Variants in BABAM2 observed in about 807,000 individuals in gnomAD.
BABAM2 encodes the protein BRISC and BRCA1-A complex member 2.
In BABAM2, 31 loss-of-function variants were observed where a neutral mutation model predicts 54.7. The observed-to-expected ratio is 0.57, with a 90% CI of 0.43 to 0.77. The LOEUF (loss-of-function observed/expected upper bound fraction) is 0.77. Ranked by LOEUF, BABAM2 falls within the 30% of genes least tolerant of loss-of-function variation. The pLI, the probability that BABAM2 is intolerant of heterozygous loss-of-function variation, is 0.00. For missense variants in BABAM2, 364 were observed against 455.8 expected (o/e 0.80, Z 1.83); for synonymous variants, 167 against 162.9 (o/e 1.03, Z -0.19).
rs191343234 is a variant in BABAM2 at position 28,183,966 on chromosome 2, A to G, written c.681-53236A>G. Among the ~76,000 whole-genome samples, 5 of 151,712 alleles carry G rather than the reference A, an allele frequency of 3.3e-5. No individual in the cohort carries two copies. In the East Asian group the frequency reaches 9.7e-4, roughly 29 times the overall value. On this transcript the variant is annotated intron_variant, in intron 7 of 11. Transcript: ENST00000379624. ...TTATTTGCTCATAGAGACACACACA[A>G]CTCTTTTCTTCATGCTTGTATTCAC...
At chr2:28,102,595 A>G (rs568913211) in intron 6 of BABAM2, among the ~76,000 whole-genome samples, 16 of 152,354 alleles carry the variant, frequency 1.1e-4, no homozygotes, top group Non-Finnish European at 1.6e-4. Flanking sequence ...GCTATCAGCC[A>G]TCTGACTCAT....
At chr2:28,166,495 C>A (rs1673690490) in intron 7 of BABAM2, among the ~76,000 whole-genome samples, 1 of 152,174 alleles carries the variant, frequency 6.6e-6, no homozygotes, top group Non-Finnish European at 1.5e-5. Flanking sequence ...TGGACCGCTT[C>A]ACTTTGGTGT....
chr2:28,015,368 A>C (rs930370442), intron 4 of BABAM2, among the ~76,000 whole-genome samples: 9 of 152,164 alleles, frequency 5.9e-5, no homozygotes, highest in African/African-American at 1.2e-4. Flanking sequence ...CTCCTTCAAA[A>C]ATTTTAACTA....
intron 10 of BABAM2, among the ~76,000 whole-genome samples, chr2:28,263,131 C>CAAAA (rs539550619): frequency 3.1e-5 from 3 of 97,802 alleles, no homozygotes; most frequent in Non-Finnish European, 3.9e-5. Flanking sequence ...GACACTGTCT[C>CAAAA]AAAAAAAAAA....
rs549724039 is a variant in BABAM2 at position 28,229,193 on chromosome 2, G to C, written c.681-8009G>C. The stretch of plus-strand genomic sequence containing the variant: ...CAAGTATGCAGATAAGGACATAGAA[G>C]TCACAAAAGTGATAACCAGAGACCT... On this transcript the variant is annotated intron_variant, in intron 7 of 11. Transcript: ENST00000379624. 1.3e-5 allele frequency among the ~76,000 whole-genome samples: 2 copies of C among 152,304 alleles called. 1 individual carries two copies. The highest frequency in any genetic ancestry group is 4.1e-4 in the South Asian group (2 of 4,828).
rs1315583229 is a variant in BABAM2 at position 28,237,252 on chromosome 2, G to T, written c.731G>T (p.Gly244Val). Residue 244 changes from glycine (G) to valine (V), a missense_variant, in exon 8 of 12, where the codon GGA becomes GTA. By Grantham distance (109) the Gly-to-Val change is moderately radical. Transcript: ENST00000379624. ...CATATCCCAGCTTTTCCAGGAGGAG[G>T]ATGTCTCATTGATTACGTTCCTCAA... ...ALHIPAFPGGGCLIDYVPQVC... is the reference protein window; with the variant it reads ...ALHIPAFPGGVCLIDYVPQVC... 6.2e-7 allele frequency: 1 copy of T among 1,613,918 alleles called. No individual in the cohort carries two copies. Among genetic ancestry groups the T allele is most frequent in the Non-Finnish European group, 8.5e-7 (1 of 1,179,910 alleles).
chr2:28,315,918 A>C (rs1482868012), intron 11 of BABAM2, among the ~76,000 whole-genome samples: 1 of 152,190 alleles, frequency 6.6e-6, no homozygotes, highest in Admixed American at 6.5e-5. Flanking sequence ...ACTAAGGGTC[A>C]TGCTCATGGA....
At chr2:28,073,563 T>G (rs1033533373) in intron 6 of BABAM2, among the ~76,000 whole-genome samples, 2 of 152,174 alleles carry the variant, frequency 1.3e-5, no homozygotes, top group East Asian at 3.8e-4. Flanking sequence ...TTGTAAAAAA[T>G]GTATGAATGC....
intron 3 of BABAM2, among the ~76,000 whole-genome samples, chr2:27,950,343 C>T (rs990690012): frequency 1.3e-5 from 2 of 152,090 alleles, no homozygotes; most frequent in Non-Finnish European, 2.9e-5. Context: ...GAAATGACTA[C>T]CACAGAAAAA....
chr2:28,213,667 T>C (rs866457808), intron 7 of BABAM2, among the ~76,000 whole-genome samples: 3 of 152,114 alleles, frequency 2.0e-5, no homozygotes, highest in African/African-American at 7.2e-5. Context: ...ATGTATATTA[T>C]AGGATTAAAA....
intron 3 of BABAM2, among the ~76,000 whole-genome samples, chr2:27,938,595 T>C (rs2148374198): frequency 6.6e-6 from 1 of 152,064 alleles, no homozygotes; most frequent in Non-Finnish European, 1.5e-5. Flanking sequence ...TTTCACCATA[T>C]TGGCCAGGCT....
chr2:27,943,919 A>G (rs1669106973), intron 3 of BABAM2, among the ~76,000 whole-genome samples: 1 of 152,186 alleles, frequency 6.6e-6, no homozygotes, highest in South Asian at 2.1e-4. Flanking sequence ...TTAGATATTC[A>G]GGATTCCTTT....
intron 10 of BABAM2, among the ~76,000 whole-genome samples, chr2:28,287,237 T>C (rs2148211772): frequency 6.6e-6 from 1 of 152,360 alleles, no homozygotes; most frequent in East Asian, 1.9e-4. Flanking sequence ...CATTTGAATA[T>C]ATTGTAATTT....
At chr2:28,336,583 C>T (rs752198124) in intron 11 of BABAM2, among the ~76,000 whole-genome samples, 63 of 152,244 alleles carry the variant, frequency 4.1e-4, no homozygotes, top group Middle Eastern at 3.4e-3. Flanking sequence ...AGAGGCAGGA[C>T]AGCTGTGGCA....
chr2:28,283,280 T>G (rs1686535448), intron 10 of BABAM2, among the ~76,000 whole-genome samples: 1 of 152,242 alleles, frequency 6.6e-6, no homozygotes, highest in Non-Finnish European at 1.5e-5. Context: ...TAATCTCATT[T>G]GTAAAACGGA....
At chr2:28,300,776 CAG>C (rs1471918020) in intron 11 of BABAM2, among the ~76,000 whole-genome samples, 1 of 152,118 alleles carries the variant, frequency 6.6e-6, no homozygotes, top group Non-Finnish European at 1.5e-5. Context: ...CAGATTGGTT[CAG>C]AGTTTCAAGA....
intron 2 of BABAM2, among the ~76,000 whole-genome samples, chr2:27,909,362 A>G (rs1164950193): frequency 1.3e-5 from 2 of 152,050 alleles, no homozygotes; most frequent in African/African-American, 2.4e-5. Flanking sequence ...CCATTTATAT[A>G]TCTTCTTTGG....
intron 2 of BABAM2, among the ~76,000 whole-genome samples, chr2:27,923,731 G>A (rs1014142564): frequency 2.0e-5 from 3 of 152,208 alleles, no homozygotes; most frequent in Non-Finnish European, 4.4e-5. Flanking sequence ...AGCTCTTTGG[G>A]AGGCTGAGGC....
At chr2:28,123,041 AC>A (rs1415765446) in intron 6 of BABAM2, among the ~76,000 whole-genome samples, 1 of 152,206 alleles carries the variant, frequency 6.6e-6, no homozygotes, top group African/African-American at 2.4e-5. Flanking sequence ...CAGTCCTGAA[AC>A]CCAAATATTT....
Sources: allele counts gnomAD v4.1 joint callset (sites outside exome capture counted in the v4.1 genomes callset), GRCh38; gene constraint gnomAD v4.1.1; transcripts MANE v1.5; gene names NCBI Gene and HGNC (gene_info 2026-07-23, HGNC 2026-07-21).